The following ZRSR2 variants were observed in gnomAD, a reference collection of about 807,000 sequenced individuals.
ZRSR2 encodes zinc finger CCCH-type, RNA binding motif and serine/arginine rich 2.
Under a neutral mutation model 39.4 loss-of-function variants are expected in ZRSR2, and 3 were observed. The observed-to-expected ratio is 0.08, with a 90% CI of 0.03 to 0.20. ZRSR2 has a LOEUF of 0.20. Among genes scored for constraint, ZRSR2 ranks in the 10% least tolerant of loss-of-function variants. The pLI is 1.00. For synonymous variants in ZRSR2, 137 were observed against 136.0 expected, an observed-to-expected ratio of 1.01 and a Z score of -0.05; for missense variants, 256 against 391.5, an observed-to-expected ratio of 0.65 and a Z score of 2.92.
In ZRSR2 at chrX:15,796,013, G is replaced by C. The variant is rs563780349; in HGVS notation, c.122-3859G>C. ...TTCACGCAGATATCCTTTCTCCTCA[G>C]TGATTTTCTTTTTTGTTTTTTGTTT... On this transcript the variant is annotated intron_variant, in intron 2 of 10. Coordinates refer to ENST00000307771, the MANE Select transcript of ZRSR2 (RefSeq NM_005089.4). Among the ~76,000 whole-genome samples, 7 of 110,322 alleles carry C rather than the reference G, an allele frequency of 6.3e-5. No individual in the cohort carries two copies. In the South Asian group the frequency reaches 2.7e-3, roughly 42 times the overall value.
Position 15,823,153 on chromosome X carries a change from C to T in ZRSR2, c.1360C>T (p.Arg454Trp), listed in dbSNP as rs756515856. ...CCGGAGCCGCAGGAGCCGCCGCAGCCGGAGCCAAAGTTCCTCTAGGTCCCG... is the reference window on the plus strand; with the variant it reads ...CCGGAGCCGCAGGAGCCGCCGCAGCTGGAGCCAAAGTTCCTCTAGGTCCCG... ...RSRSRRSRRS[R>W]SQSSSRSRSR... The change falls in exon 11 of 11, where the codon CGG becomes TGG. Residue 454 changes from arginine (R) to tryptophan (W), a missense_variant. Arg to Trp is a moderately radical substitution (Grantham distance 101). Around this residue, in one of 3 missense-constraint regions of ZRSR2, gnomAD observed 111 missense variants for 116.7 expected, o/e 0.95. Coordinates refer to ENST00000307771, the MANE Select transcript of ZRSR2 (RefSeq NM_005089.4). 4 of 1,206,255 alleles carry T rather than the reference C, an allele frequency of 3.3e-6. No individual in the cohort carries two copies. Among genetic ancestry groups the T allele is most frequent in the South Asian group, 1.8e-5 (1 of 56,507 alleles).
chrX:15,816,435 T>C (rs1932978142), intron 8 of ZRSR2, among the ~76,000 whole-genome samples: 1 of 112,317 alleles, frequency 8.9e-6, no homozygotes, highest in Non-Finnish European at 1.9e-5. Context: ...TTCTTTTTTT[T>C]ACACTGTTTT....
intron 7 of ZRSR2, among the ~76,000 whole-genome samples, chrX:15,814,353 GT>G (rs1020037392): frequency 1.5e-4 from 17 of 112,059 alleles, no homozygotes; most frequent in African/African-American, 5.2e-4. Context: ...AATGATGCAG[GT>G]ATGGTAGCTC....
At chrX:15,803,178 A>C (rs956164222) in intron 3 of ZRSR2, among the ~76,000 whole-genome samples, 1 of 110,441 alleles carries the variant, frequency 9.1e-6, no homozygotes, top group African/African-American at 3.3e-5. Flanking sequence ...CAGGAGAATC[A>C]CTTGAACCCG....
intron 3 of ZRSR2, among the ~76,000 whole-genome samples, chrX:15,800,479 G>A (rs1191221565): frequency 9.1e-6 from 1 of 110,081 alleles, no homozygotes; most frequent in Admixed American, 9.7e-5. Context: ...GAGCCACTGC[G>A]CCTGACCTGT....
chrX:15,796,290 G>T (rs186730721), intron 2 of ZRSR2, among the ~76,000 whole-genome samples: 157 of 112,246 alleles, frequency 1.4e-3, no homozygotes, highest in African/African-American at 5.0e-3. Flanking sequence ...CCATTTTGTA[G>T]TAAACACAGT....
intron 7 of ZRSR2, among the ~76,000 whole-genome samples, chrX:15,809,691 C>T (rs1477280219): frequency 8.9e-6 from 1 of 111,896 alleles, no homozygotes; most frequent in African/African-American, 3.3e-5. Context: ...TTTTGAAGGG[C>T]ACACACTGTC....
intron 1 of ZRSR2, 75 bp downstream of exon 1, chrX:15,790,611 A>G: frequency 8.9e-7 from 1 of 1,124,574 alleles, no homozygotes; most frequent in Non-Finnish European, 1.2e-6. Context: ...CAGGAAGAAA[A>G]GAGAAGCTGG....
intron 2 of ZRSR2, 59 bp from the exon 3 acceptor site, chrX:15,799,813 C>A (rs780815928): frequency 1.1e-4 from 85 of 797,257 alleles, no homozygotes; most frequent in Non-Finnish European, 1.4e-4. Context: ...TATTTTTTTC[C>A]TGAATTTTTG....
At chrX:15,797,948 G>A (rs1932537707) in intron 2 of ZRSR2, among the ~76,000 whole-genome samples, 1 of 111,684 alleles carries the variant, frequency 9.0e-6, no homozygotes, top group Non-Finnish European at 1.9e-5. Flanking sequence ...CTAATCTATG[G>A]CATACCTCTG....
chrX:15,803,213 A>G (rs1433779652), intron 3 of ZRSR2, among the ~76,000 whole-genome samples: 2 of 110,939 alleles, frequency 1.8e-5, no homozygotes, highest in Non-Finnish European at 3.8e-5. Flanking sequence ...CAGTGAGCCA[A>G]GATCATGCCA....
rs762156174 is a variant in ZRSR2 at position 15,807,851 on chromosome X, G to A, written c.400-382G>A. ...GCTCAGGAGTTCGAGACTAGCCTGG[G>A]CAACATGGTGAAACTCCGTCTCTAC... On this transcript the variant is annotated intron_variant, in intron 5 of 10. Transcript: ENST00000307771. Among the ~76,000 whole-genome samples the A allele has an allele frequency of 2.6e-4, 28 of 108,348 alleles. 1 individual carries two copies. The highest frequency in any genetic ancestry group is 2.3e-4 in the Non-Finnish European group (12 of 52,135). 94.1% of individuals were successfully genotyped at this position (108,348 alleles called of 115,157 possible).
chrX:15,802,490 C>T (rs1271057877), intron 3 of ZRSR2, among the ~76,000 whole-genome samples: 4 of 112,714 alleles, frequency 3.5e-5, no homozygotes, highest in Non-Finnish European at 1.9e-5. Context: ...GACGAAGTCT[C>T]GCTCTGTCAC....
intron 7 of ZRSR2, among the ~76,000 whole-genome samples, chrX:15,812,927 T>G (rs1423971501): frequency 8.9e-6 from 1 of 112,470 alleles, no homozygotes; most frequent in East Asian, 2.8e-4. Context: ...CCTTGGAATA[T>G]TTTACAAAGA....
intron 2 of ZRSR2, among the ~76,000 whole-genome samples, chrX:15,796,335 A>G (rs1482389255): frequency 2.7e-5 from 3 of 112,410 alleles, no homozygotes; most frequent in Non-Finnish European, 1.9e-5. Context: ...TTACTGCCAT[A>G]CACAATTTAC....
intron 2 of ZRSR2, among the ~76,000 whole-genome samples, chrX:15,793,584 G>T (rs143074156): frequency 8.9e-6 from 1 of 111,788 alleles, no homozygotes; most frequent in Non-Finnish European, 1.9e-5. Context: ...TCTCGCCCAG[G>T]CTGGAGTGCA....
intron 10 of ZRSR2, among the ~76,000 whole-genome samples, chrX:15,822,463 T>C (rs996596744): frequency 8.9e-6 from 1 of 112,417 alleles, no homozygotes; most frequent in Non-Finnish European, 1.9e-5. Context: ...TCAGTTGCAG[T>C]CTGCACCATA....
chrX:15,816,853 TAAAAA>T (rs1932986915), intron 8 of ZRSR2, among the ~76,000 whole-genome samples: 1 of 112,403 alleles, frequency 8.9e-6, no homozygotes, highest in Non-Finnish European at 1.9e-5. Flanking sequence ...TCAAGATTTT[TAAAAA>T]TTCTTTTTAT....
intron 1 of ZRSR2, 113 bp from the exon 2 acceptor site, chrX:15,790,821 T>G (rs1287717478): frequency 1.3e-6 from 1 of 751,328 alleles, no homozygotes; most frequent in Non-Finnish European, 2.0e-6. Context: ...GGAAGCAAGG[T>G]TTCTCTCCTC....
Sources: gnomAD v4.1 joint callset for allele counts (sites outside exome capture counted in the v4.1 genomes callset) on GRCh38, gnomAD v4.1.1 for gene constraint, gnomAD v4.1.1 regional missense constraint, MANE v1.5 for transcripts, NCBI Gene and HGNC (gene_info 2026-07-23, HGNC 2026-07-21) for gene names.